The following LANCL2 variants were observed in gnomAD, a reference collection of about 807,000 sequenced individuals.
LANCL2 encodes the protein lanC-like protein 2.
In LANCL2, 33 loss-of-function variants were observed where a neutral mutation model predicts 56.9. The ratio of observed to expected loss-of-function variants is 0.58; its 90% CI spans 0.44 to 0.78. The LOEUF (loss-of-function observed/expected upper bound fraction) is 0.78. Ranked by LOEUF, LANCL2 falls within the 30% of genes least tolerant of loss-of-function variation. The probability of loss-of-function intolerance (pLI) is 0.00; values close to 1 mark genes in which losing one functional copy is unlikely to be tolerated. For missense variants in LANCL2, 562 were observed against 580.2 expected, an observed-to-expected ratio of 0.97 and a Z score of 0.32; for synonymous variants, 233 against 228.2, an observed-to-expected ratio of 1.02 and a Z score of -0.19.
intron 1 of LANCL2, among the ~76,000 whole-genome samples, chr7:55,375,741 G>C (rs1414127868): frequency 6.6e-6 from 1 of 152,118 alleles, no homozygotes; most frequent in Non-Finnish European, 1.5e-5. Context: ...CATCTTCAAG[G>C]CTGCCTTCTC....
At chr7:55,378,533 CGTGT>C (rs71031838) in intron 1 of LANCL2, among the ~76,000 whole-genome samples, 22,723 of 150,298 alleles carry the variant, frequency 0.15, 1,837 homozygotes, top group Middle Eastern at 0.25. Context: ...TATATGTATA[CGTGT>C]GTGTGTGTGT....
chr7:55,366,667 G>T (rs1789876874), intron 1 of LANCL2, among the ~76,000 whole-genome samples: 1 of 152,210 alleles, frequency 6.6e-6, no homozygotes, highest in Non-Finnish European at 1.5e-5. Flanking sequence ...AGCATTGTCC[G>T]TACTGTCTGT....
rs1303313118 is a variant in LANCL2 at position 55,431,283 on chromosome 7, T to G, written c.1316T>G (p.Phe439Cys). ...SDVLGPETSR[F>C]PAFELDSSKR... ...GTCCTGGGACCAGAGACATCACGGT[T>G]TCCAGCATTTGAACTTGACTCTTCG... is the stretch of plus-strand genomic sequence containing the variant. Residue 439 changes from phenylalanine (F) to cysteine (C), a missense_variant, in exon 9 of 9, where the codon TTT (phenylalanine) becomes TGT (cysteine). Phe to Cys is a radical substitution (Grantham distance 205). This residue lies in a region of LANCL2 where 378 missense variants were observed against 468.4 expected (regional missense o/e 0.81). Coordinates refer to ENST00000254770, the MANE Select transcript of LANCL2 (RefSeq NM_018697.4). The G allele has an allele frequency of 6.2e-7, 1 of 1,614,010 alleles. No individual in the cohort carries two copies. The highest frequency in any genetic ancestry group is 8.5e-7 in the Non-Finnish European group (1 of 1,179,974).
chr7:55,385,854 G>A (rs1790119479), intron 1 of LANCL2, among the ~76,000 whole-genome samples: 1 of 152,158 alleles, frequency 6.6e-6, no homozygotes, highest in African/African-American at 2.4e-5. Flanking sequence ...TTTCACCTCT[G>A]CAATCTCGAC....
chr7:55,401,454 A>T, intron 5 of LANCL2, 134 bp downstream of exon 5: 2 of 617,144 alleles, frequency 3.2e-6, no homozygotes, highest in Non-Finnish European at 5.3e-6. Flanking sequence ...TCTGCCACAT[A>T]AACCACAGGC....
intron 5 of LANCL2, among the ~76,000 whole-genome samples, chr7:55,401,585 C>A (rs1790328618): frequency 1.6e-5 from 1 of 61,840 alleles, no homozygotes; most frequent in South Asian, 6.6e-4. Flanking sequence ...TTGGGTGTTT[C>A]TCGCAGAGGG....
At chr7:55,397,512 ATAT>A (rs10550855) in intron 2 of LANCL2, among the ~76,000 whole-genome samples, 50,860 of 149,940 alleles carry the variant, frequency 0.34, 9,050 homozygotes, top group African/African-American at 0.38. Context: ...GCAGAGTAGG[ATAT>A]TATTAGACAA....
intron 5 of LANCL2, among the ~76,000 whole-genome samples, chr7:55,408,410 T>G (rs1790434718): frequency 6.6e-6 from 1 of 152,236 alleles, no homozygotes; most frequent in Non-Finnish European, 1.5e-5. Flanking sequence ...CTCATGCCTG[T>G]AATCCCAGCA....
chr7:55,373,172 C>G (rs1482148492), intron 1 of LANCL2, among the ~76,000 whole-genome samples: 1 of 151,826 alleles, frequency 6.6e-6, no homozygotes, highest in East Asian at 1.9e-4. Context: ...CAAGGGCTTA[C>G]TATAATTCAT....
chr7:55,423,193 T>G (rs1790627250), intron 6 of LANCL2, among the ~76,000 whole-genome samples: 1 of 152,246 alleles, frequency 6.6e-6, no homozygotes, highest in Non-Finnish European at 1.5e-5. Flanking sequence ...GTCTCGCTGT[T>G]AGAAGTAGCT....
intron 1 of LANCL2, among the ~76,000 whole-genome samples, chr7:55,388,233 C>T (rs1790147137): frequency 6.6e-6 from 1 of 152,064 alleles, no homozygotes; most frequent in African/African-American, 2.4e-5. Flanking sequence ...CTGGATTGAA[C>T]AGAAAAAGAA....
At chr7:55,377,731 A>G (rs1790019155) in intron 1 of LANCL2, among the ~76,000 whole-genome samples, 1 of 152,130 alleles carries the variant, frequency 6.6e-6, no homozygotes, top group African/African-American at 2.4e-5. Flanking sequence ...AAAATTGCCT[A>G]CTCACCATGT....
At chr7:55,383,850 A>ATG (rs1172025487) in intron 1 of LANCL2, among the ~76,000 whole-genome samples, 14 of 152,004 alleles carry the variant, frequency 9.2e-5, no homozygotes, top group East Asian at 7.7e-4. Flanking sequence ...CTATATATAT[A>ATG]TGTGTAATAA....
intron 1 of LANCL2, among the ~76,000 whole-genome samples, chr7:55,383,758 A>G (rs906840250): frequency 1.3e-5 from 2 of 152,154 alleles, no homozygotes; most frequent in Non-Finnish European, 2.9e-5. Context: ...AATCGCTTGA[A>G]CCTGGGAGGC....
rs1790477658 is a variant in LANCL2, at chr7:55,412,088, A to G, written c.1007A>G (p.Lys336Arg). 1 of 1,610,898 alleles carries G rather than the reference A, an allele frequency of 6.2e-7. No individual in the cohort carries two copies. Among genetic ancestry groups the G allele is most frequent in the African/African-American group, 1.3e-5 (1 of 75,032 alleles). The change falls in exon 6 of 9, where the codon AAG becomes AGG. Residue 336 changes from lysine (K) to arginine (R), a missense_variant and splice_region_variant. Around this residue, in one of 2 missense-constraint regions of LANCL2, gnomAD observed 378 missense variants for 468.4 expected, o/e 0.81. Coordinates refer to ENST00000254770, the MANE Select transcript of LANCL2 (RefSeq NM_018697.4). ...GVIHMLMQAY[K>R]VFKEEKYLKE... ...ATCCACATGCTCATGCAGGCGTACA[A>G]GGTCAGTGCTTCCGCCGTCACGGCC...
intron 1 of LANCL2, among the ~76,000 whole-genome samples, chr7:55,380,873 T>TC (rs1393460199): frequency 6.7e-6 from 1 of 150,258 alleles, no homozygotes; most frequent in Non-Finnish European, 1.5e-5. Context: ...GAATTTCTTT[T>TC]TTTTTTTTTT....
chr7:55,428,508 G>T, intron 8 of LANCL2, 61 bp downstream of exon 8: 1 of 1,313,182 alleles, frequency 7.6e-7, no homozygotes. Flanking sequence ...TCCTGCCCTT[G>T]TGGACTGGCA....
intron 6 of LANCL2, among the ~76,000 whole-genome samples, chr7:55,415,621 C>CTTTTTTT (rs71031852): frequency 2.7e-5 from 3 of 111,806 alleles, no homozygotes; most frequent in African/African-American, 9.5e-5. Flanking sequence ...GTTTTTCTTT[C>CTTTTTTT]TTTTTTTTGA....
intron 1 of LANCL2, among the ~76,000 whole-genome samples, chr7:55,391,042 A>G (rs1183147021): frequency 2.4e-5 from 3 of 122,692 alleles, no homozygotes; most frequent in African/African-American, 9.8e-5. Flanking sequence ...TTTGAGATGG[A>G]GTCTCGCTCT....
Sources: allele counts gnomAD v4.1 joint callset (sites outside exome capture counted in the v4.1 genomes callset), GRCh38; gene constraint gnomAD v4.1.1; regional missense constraint gnomAD v4.1.1; transcripts MANE v1.5; gene names NCBI Gene and HGNC (gene_info 2026-07-23, HGNC 2026-07-21).